MATCAP2: variants seen among roughly 807,000 people sequenced by gnomAD.
MATCAP2 encodes microtubule associated tyrosine carboxypeptidase 2, also known as putative tyrosine carboxypeptidase MATCAP2.
the MATCAP2 span, among the ~76,000 whole-genome samples, chr7:36,373,482 A>T: frequency 6.6e-6 from 1 of 152,200 alleles, no homozygotes; most frequent in East Asian, 1.9e-4. Context: ...CTGAGATAAG[A>T]ATAATTTGGC....
chr7:36,333,853 C>A, the MATCAP2 span: 1 of 1,592,430 alleles, frequency 6.3e-7, no homozygotes, highest in Non-Finnish European at 8.6e-7. Flanking sequence ...AAGGGACACC[C>A]ACCTGGTTGG....
the MATCAP2 span, among the ~76,000 whole-genome samples, chr7:36,383,510 G>T: frequency 2.6e-5 from 4 of 152,200 alleles, no homozygotes; most frequent in Non-Finnish European, 5.9e-5. Context: ...CGTGTCCTTT[G>T]CAGGGACATG....
the MATCAP2 span, among the ~76,000 whole-genome samples, chr7:36,359,448 G>A: frequency 6.6e-6 from 1 of 152,150 alleles, no homozygotes; most frequent in Admixed American, 6.5e-5. Context: ...TACTAAAGTA[G>A]ATAATAATCC....
At chr7:36,328,649 C>T in the MATCAP2 span, among the ~76,000 whole-genome samples, 1 of 151,882 alleles carries the variant, frequency 6.6e-6, no homozygotes, top group Non-Finnish European at 1.5e-5. Flanking sequence ...GAGGCTAAGG[C>T]AGGAGAATAA....
chr7:36,367,713 A>G, the MATCAP2 span, among the ~76,000 whole-genome samples: 1 of 152,154 alleles, frequency 6.6e-6, no homozygotes, highest in Admixed American at 6.5e-5. Flanking sequence ...GCTGAATGTT[A>G]TTTTCAGTTT....
chr7:36,334,124 C>A, the MATCAP2 span: 1 of 1,613,882 alleles, frequency 6.2e-7, no homozygotes, highest in Non-Finnish European at 8.5e-7. Flanking sequence ...TGTTCCATGG[C>A]TGCTGGAGGT....
At chr7:36,333,180 CA>C in the MATCAP2 span, among the ~76,000 whole-genome samples, 1 of 152,120 alleles carries the variant, frequency 6.6e-6, no homozygotes, top group Non-Finnish European at 1.5e-5. Flanking sequence ...TGCCTCACAG[CA>C]ATAAAATGAT....
the MATCAP2 span, among the ~76,000 whole-genome samples, chr7:36,385,208 GGTA>G: frequency 1.3e-5 from 2 of 152,116 alleles, no homozygotes; most frequent in African/African-American, 4.8e-5. Context: ...CTCATAAATG[GGTA>G]GCATTGCTGT....
the MATCAP2 span, among the ~76,000 whole-genome samples, chr7:36,350,552 T>A: frequency 2.8e-5 from 3 of 106,848 alleles, no homozygotes; most frequent in Middle Eastern, 5.8e-3. Context: ...TTTTTTTTTT[T>A]GAGACAGAGT....
the MATCAP2 span, chr7:36,357,257 G>C: frequency 6.2e-7 from 1 of 1,614,002 alleles, no homozygotes; most frequent in African/African-American, 1.3e-5. Flanking sequence ...AAAAACAGCA[G>C]GCCGCCTCTC....
chr7:36,346,558 A>G, the MATCAP2 span, among the ~76,000 whole-genome samples: 3 of 152,320 alleles, frequency 2.0e-5, no homozygotes, highest in South Asian at 2.1e-4. Context: ...TTCCATTCAT[A>G]TCGAAAGTCC....
the MATCAP2 span, chr7:36,366,933 T>G: frequency 1.4e-6 from 2 of 1,385,954 alleles, no homozygotes; most frequent in Non-Finnish European, 1.9e-6. Context: ...GCGAATGGAC[T>G]CCAGCATCGT....
the MATCAP2 span, among the ~76,000 whole-genome samples, chr7:36,347,445 G>A: frequency 1.3e-5 from 2 of 152,152 alleles, no homozygotes; most frequent in East Asian, 1.9e-4. Flanking sequence ...ATAGGGGGTA[G>A]GATAATGCTG....
the MATCAP2 span, chr7:36,389,818 C>G: frequency 3.2e-6 from 3 of 930,412 alleles, no homozygotes; most frequent in African/African-American, 5.0e-5. Context: ...CGCGCATGCT[C>G]GCGGCTCGGC....
the MATCAP2 span, among the ~76,000 whole-genome samples, chr7:36,370,209 C>T: frequency 1.3e-5 from 2 of 152,214 alleles, no homozygotes; most frequent in Non-Finnish European, 2.9e-5. Flanking sequence ...ATTACTGATT[C>T]GTGCTATGCC....
chr7:36,364,916 C>G, the MATCAP2 span, among the ~76,000 whole-genome samples: 3 of 152,140 alleles, frequency 2.0e-5, no homozygotes, highest in African/African-American at 7.2e-5. Context: ...TCTCAAATGG[C>G]TATTTGAACT....
chr7:36,350,351 G>A, the MATCAP2 span, among the ~76,000 whole-genome samples: 5 of 151,796 alleles, frequency 3.3e-5, no homozygotes, highest in African/African-American at 9.7e-5. Flanking sequence ...CACTATAAAC[G>A]CTAAAATCAA....
the MATCAP2 span, among the ~76,000 whole-genome samples, chr7:36,371,394 T>G: frequency 6.6e-6 from 1 of 152,196 alleles, no homozygotes; most frequent in Non-Finnish European, 1.5e-5. Flanking sequence ...ATTACAGATG[T>G]GAGCCAGTAT....
chr7:36,363,597 T>C, the MATCAP2 span, among the ~76,000 whole-genome samples: 65 of 152,312 alleles, frequency 4.3e-4, no homozygotes, highest in African/African-American at 1.5e-3. Flanking sequence ...CTCAAATCAG[T>C]GTACAGTCAC....
Sources: gnomAD v4.1 joint callset for allele counts (sites outside exome capture counted in the v4.1 genomes callset) on GRCh38, gnomAD v4.1.1 for gene constraint, MANE v1.5 for transcripts, NCBI Gene and HGNC (gene_info 2026-07-23, HGNC 2026-07-21) for gene names.